The following PARP12 variants were observed in gnomAD, a reference collection of about 807,000 sequenced individuals.
The protein encoded by PARP12 is poly(ADP-ribose) polymerase family member 12, also known as protein mono-ADP-ribosyltransferase PARP12.
In PARP12, 59 loss-of-function variants were observed where a neutral mutation model predicts 72.4. The observed-to-expected ratio is 0.81, with a 90% CI of 0.66 to 1.01. The LOEUF (loss-of-function observed/expected upper bound fraction) is 1.01. Ranked by LOEUF, PARP12 falls within the 50% of genes least tolerant of loss-of-function variation. The pLI, the probability that PARP12 is intolerant of heterozygous loss-of-function variation, is 0.00. For synonymous variants in PARP12, 403 were observed against 371.4 expected, an observed-to-expected ratio of 1.09 and a Z score of -0.98; for missense variants, 851 against 914.0, an observed-to-expected ratio of 0.93 and a Z score of 0.89.
At position 140,026,177 on chromosome 7, in the gene PARP12, G is replaced by A. The variant is rs372781878; in HGVS notation, c.1780+20C>T. Reference sequence around the variant, plus strand: ...GCAAAGCAACATGGGTTTTGCTGGTGGAGGCCAGTCATGCCTTACCCTTGC... The same window carrying A: ...GCAAAGCAACATGGGTTTTGCTGGTAGAGGCCAGTCATGCCTTACCCTTGC... On this transcript the variant is annotated intron_variant, in intron 11 of 11. Transcript: ENST00000263549. The A allele has an allele frequency of 3.5e-5, 57 of 1,614,184 alleles. No individual in the cohort carries two copies. In the African/African-American group the frequency reaches 4.9e-4, roughly 14 times the overall value.
chr7:140,047,122 T>C (rs1221390603), intron 4 of PARP12, 115 bp from the exon 5 acceptor site: 1 of 1,236,746 alleles, frequency 8.1e-7, no homozygotes, highest in Non-Finnish European at 1.1e-6. Flanking sequence ...CTGAAATGTG[T>C]GGTGGAGTCT....
intron 3 of PARP12, 40 bp from the exon 4 acceptor site, chr7:140,054,803 T>C (rs369515802): frequency 1.1e-5 from 16 of 1,510,800 alleles, no homozygotes; most frequent in Non-Finnish European, 1.4e-5. Context: ...GCTTCTGATA[T>C]GGGGTATAAA....
At chr7:140,038,947 G>A (rs1050505124) in intron 6 of PARP12, among the ~76,000 whole-genome samples, 1 of 152,240 alleles carries the variant, frequency 6.6e-6, no homozygotes, top group African/African-American at 2.4e-5. Flanking sequence ...TAGACGCTGA[G>A]ATGGGTAACT....
In PARP12 at chr7:140,046,195, T is replaced by C. The variant is rs531806981; in HGVS notation, c.986+689A>G. 5.3e-5 allele frequency among the ~76,000 whole-genome samples: 8 copies of C among 152,342 alleles called. No individual in the cohort carries two copies. In the South Asian group the frequency reaches 6.2e-4, roughly 12 times the overall value. ...CATTTAATCCTCCTAACAGGAGTAA[T>C]TGGTTTCACATACTTTACCAATAGC... On this transcript the variant is annotated intron_variant, in intron 5 of 11. Coordinates refer to ENST00000263549, the MANE Select transcript of PARP12 (RefSeq NM_022750.4).
intron 8 of PARP12, among the ~76,000 whole-genome samples, chr7:140,030,627 A>G (rs1585083210): frequency 6.6e-6 from 1 of 152,228 alleles, no homozygotes; most frequent in East Asian, 1.9e-4. Context: ...GCATACATAC[A>G]TACGTACATA....
intron 9 of PARP12, chr7:140,027,618 AAAC>A (rs1280716225): frequency 1.2e-5 from 5 of 428,354 alleles, no homozygotes; most frequent in African/African-American, 7.9e-5. Context: ...ATTTTAAGTA[AAAC>A]AACAAACCTC....
intron 5 of PARP12, among the ~76,000 whole-genome samples, chr7:140,043,011 C>A: frequency 6.6e-6 from 1 of 152,096 alleles, no homozygotes; most frequent in Non-Finnish European, 1.5e-5. Context: ...CTGGCTAACA[C>A]AGTGAAACCC....
chr7:140,062,196 G>A (rs1817483977), intron 1 of PARP12, among the ~76,000 whole-genome samples: 1 of 151,980 alleles, frequency 6.6e-6, no homozygotes, highest in South Asian at 2.1e-4. Context: ...CCGCGGCGTC[G>A]TGGAGTTCCC....
intron 7 of PARP12, among the ~76,000 whole-genome samples, chr7:140,035,525 G>T (rs905522452): frequency 3.9e-5 from 6 of 152,164 alleles, no homozygotes; most frequent in African/African-American, 7.2e-5. Context: ...GCCTGTCTTT[G>T]GGGAATTCTG....
At chr7:140,044,290 G>A (rs1376740966) in intron 5 of PARP12, among the ~76,000 whole-genome samples, 1 of 152,138 alleles carries the variant, frequency 6.6e-6, no homozygotes, top group Non-Finnish European at 1.5e-5. Context: ...TTGGAAATAG[G>A]GTCTTTGCAG....
At chr7:140,033,058 C>G (rs903226817) in intron 8 of PARP12, 1 of 419,346 alleles carries the variant, frequency 2.4e-6, no homozygotes, top group Non-Finnish European at 3.2e-6. Context: ...GCTCAGGTGT[C>G]TCTCCCACCT....
intron 5 of PARP12, among the ~76,000 whole-genome samples, chr7:140,045,428 T>C (rs1412012856): frequency 6.6e-6 from 1 of 152,216 alleles, no homozygotes; most frequent in African/African-American, 2.4e-5. Context: ...TATTATTTTG[T>C]CTACCTAACA....
chr7:140,052,732 TTGTGTGTGTGTGTGTGTG>T (rs9340762), intron 4 of PARP12, among the ~76,000 whole-genome samples: 42 of 145,810 alleles, frequency 2.9e-4, no homozygotes, highest in African/African-American at 1.0e-3. Flanking sequence ...AAGACCCCTT[TTGTGTGTGTGTGTGTGTG>T]TGTGTGTGTG....
At chr7:140,046,474 G>A (rs1026167682) in intron 5 of PARP12, among the ~76,000 whole-genome samples, 1 of 152,220 alleles carries the variant, frequency 6.6e-6, no homozygotes, top group Non-Finnish European at 1.5e-5. Context: ...ATAGGCCAAA[G>A]GCCAAAATTT....
At position 140,058,017 on chromosome 7, in the gene PARP12, C is replaced by A. The variant is rs1009295195; in HGVS notation, c.344G>T (p.Ser115Ile). Residue 115 changes from serine to isoleucine, a missense_variant, in exon 2 of 12, where the codon AGT becomes ATT. Coordinates refer to ENST00000263549, the MANE Select transcript of PARP12 (RefSeq NM_022750.4). ...FLRAGKNCRNSHSLTTEHNLS... is the reference protein window; with the variant it reads ...FLRAGKNCRNIHSLTTEHNLS... ...GTTGTGTTCGGTTGTCAAGCTGTGA[C>A]TATTCCTACAGTTCTTCCTGCAAAG... 4 of 1,614,124 alleles carry A rather than the reference C, an allele frequency of 2.5e-6. No individual in the cohort carries two copies. Among genetic ancestry groups the A allele is most frequent in the Non-Finnish European group, 3.4e-6 (4 of 1,180,048 alleles).
intron 7 of PARP12, among the ~76,000 whole-genome samples, chr7:140,035,885 GA>G (rs1816135842): frequency 1.4e-5 from 2 of 147,842 alleles, no homozygotes; most frequent in African/African-American, 2.5e-5. Context: ...GGAGGAGGAA[GA>G]GGAAGAGGAG....
chr7:140,026,686 T>C (rs928666947), intron 10 of PARP12, among the ~76,000 whole-genome samples: 1 of 151,898 alleles, frequency 6.6e-6, no homozygotes, highest in African/African-American at 2.4e-5. Context: ...AGCCCTGGGA[T>C]GCTGTAGGAA....
chr7:140,039,625 C>T (rs140415189), intron 6 of PARP12, among the ~76,000 whole-genome samples: 180 of 152,296 alleles, frequency 1.2e-3, no homozygotes, highest in Non-Finnish European at 2.1e-3. Flanking sequence ...TGTTGGAGTA[C>T]TTCTTGAGCT....
intron 6 of PARP12, among the ~76,000 whole-genome samples, chr7:140,039,724 G>A (rs1202587461): frequency 2.0e-5 from 3 of 152,188 alleles, no homozygotes; most frequent in Non-Finnish European, 4.4e-5. Flanking sequence ...AAACCTAAAT[G>A]TGGGGTTATA....
Sources: allele counts gnomAD v4.1 joint callset (sites outside exome capture counted in the v4.1 genomes callset), GRCh38; gene constraint gnomAD v4.1.1; transcripts MANE v1.5; gene names NCBI Gene and HGNC (gene_info 2026-07-23, HGNC 2026-07-21).